Variants in WNK3 observed in about 807,000 individuals in gnomAD.
WNK3 encodes WNK lysine deficient protein kinase 3.
WNK3 carries 18 observed loss-of-function variants against 116.7 expected under a neutral mutation model. That is an observed-to-expected ratio of 0.15 (90% CI 0.11 to 0.23). The LOEUF (loss-of-function observed/expected upper bound fraction) is 0.23. Among genes scored for constraint, WNK3 ranks in the 10% least tolerant of loss-of-function variants. WNK3 has a pLI of 1.00. For synonymous variants in WNK3, 404 were observed against 469.4 expected, an observed-to-expected ratio of 0.86 and a Z score of 1.80; for missense variants, 993 against 1,323.8, an observed-to-expected ratio of 0.75 and a Z score of 3.88.
At chrX:54,347,699 T>A (rs868941614) in intron 1 of WNK3, among the ~76,000 whole-genome samples, 2 of 97,408 alleles carry the variant, frequency 2.1e-5, no homozygotes, top group Non-Finnish European at 3.9e-5. Context: ...TATATACACA[T>A]ATATATATAC....
At chrX:54,211,914 A>T (rs2067619486) in intron 22 of WNK3, among the ~76,000 whole-genome samples, 2 of 109,558 alleles carry the variant, frequency 1.8e-5, no homozygotes, top group East Asian at 2.9e-4. Context: ...ATTAGAAAAC[A>T]TTTAGAACTC....
intron 1 of WNK3, among the ~76,000 whole-genome samples, chrX:54,336,909 C>T (rs1603400504): frequency 1.8e-5 from 2 of 111,415 alleles, no homozygotes; most frequent in East Asian, 5.6e-4. Flanking sequence ...TATGTTAATA[C>T]CAAAGCTAAG....
chrX:54,316,864 T>C (rs1047650356), intron 2 of WNK3, among the ~76,000 whole-genome samples: 1 of 111,567 alleles, frequency 9.0e-6, no homozygotes, highest in African/African-American at 3.3e-5. Context: ...GGTATATTCG[T>C]TGTGGAAAGC....
At chrX:54,336,648 T>C (rs1207418802) in intron 1 of WNK3, among the ~76,000 whole-genome samples, 1 of 111,002 alleles carries the variant, frequency 9.0e-6, no homozygotes, top group African/African-American at 3.3e-5. Flanking sequence ...GAGAGGCAGA[T>C]AGACACCAGG....
chrX:54,198,587 C>T, exon 24 of WNK3: 1 of 1,210,019 alleles, frequency 8.3e-7, no homozygotes, highest in Non-Finnish European at 1.1e-6. Flanking sequence ...GAAGTTGGGA[C>T]AGCTCCACGG....
At position 54,290,987 on chromosome X, in the gene WNK3, A is replaced by G. The variant is rs1311607413; in HGVS notation, c.2037+1901T>C. ...GTTATACATGTGTACACAGAAAAAA[A>G]GATAAATCTAAAGGCTATACCTCAA... On this transcript the variant is annotated intron_variant, in intron 10 of 23. Coordinates refer to ENST00000354646, the Ensembl canonical transcript of WNK3. Among the ~76,000 whole-genome samples the G allele has an allele frequency of 2.9e-4, 32 of 111,897 alleles. No homozygotes were observed. In the Admixed American group the frequency reaches 3.1e-3, roughly 11 times the overall value.
intron 22 of WNK3, among the ~76,000 whole-genome samples, chrX:54,218,106 G>T (rs2067719335): frequency 1.8e-5 from 2 of 111,526 alleles, no homozygotes; most frequent in South Asian, 3.8e-4. Flanking sequence ...AAACAGGTTT[G>T]AACTGTGCAG....
intron 22 of WNK3, chrX:54,223,741 T>C: frequency 6.2e-6 from 1 of 160,341 alleles, no homozygotes; most frequent in Non-Finnish European, 1.2e-5. Flanking sequence ...ACCACCTTGG[T>C]GGAGAACAAG....
At chrX:54,348,301 A>C (rs1020494698) in intron 1 of WNK3, among the ~76,000 whole-genome samples, 1 of 110,064 alleles carries the variant, frequency 9.1e-6, no homozygotes, top group Non-Finnish European at 1.9e-5. Flanking sequence ...CTCAGCCTCC[A>C]GAGTAGCTGG....
At chrX:54,354,022 G>A (rs1484842102) in intron 1 of WNK3, among the ~76,000 whole-genome samples, 5 of 107,249 alleles carry the variant, frequency 4.7e-5, no homozygotes, top group African/African-American at 1.7e-4. Flanking sequence ...GGAGGCAGAG[G>A]TTGCAGTGAG....
At chrX:54,224,801 C>T (rs1201682222) in intron 22 of WNK3, among the ~76,000 whole-genome samples, 4 of 110,633 alleles carry the variant, frequency 3.6e-5, no homozygotes, top group Non-Finnish European at 7.6e-5. Flanking sequence ...GATCTCCTGA[C>T]CTTGTGATCC....
At chrX:54,205,214 A>G (rs1484580876) in intron 22 of WNK3, among the ~76,000 whole-genome samples, 1 of 104,002 alleles carries the variant, frequency 9.6e-6, no homozygotes, top group African/African-American at 3.7e-5. Context: ...GATTCCACAC[A>G]CACACACACA....
At chrX:54,274,672 A>C (rs2068420912) in intron 10 of WNK3, among the ~76,000 whole-genome samples, 1 of 111,866 alleles carries the variant, frequency 8.9e-6, no homozygotes, top group South Asian at 3.7e-4. Context: ...GGCAAGGAAG[A>C]ATAGGATAGG....
At chrX:54,297,798 G>C (rs1251853362) in intron 7 of WNK3, among the ~76,000 whole-genome samples, 1 of 111,528 alleles carries the variant, frequency 9.0e-6, no homozygotes, top group Non-Finnish European at 1.9e-5. Context: ...AGAAGGTCAG[G>C]CTCGATGGCT....
chrX:54,261,629 A>AACAC (rs782069714), intron 10 of WNK3, among the ~76,000 whole-genome samples: 6 of 109,463 alleles, frequency 5.5e-5, no homozygotes, highest in Non-Finnish European at 1.1e-4. Flanking sequence ...TCTGTACACA[A>AACAC]ACACACACAC....
chrX:54,349,443 C>T (rs1415569072), intron 1 of WNK3, among the ~76,000 whole-genome samples: 9 of 112,007 alleles, frequency 8.0e-5, no homozygotes, highest in African/African-American at 2.6e-4. Context: ...AAATATACAA[C>T]ACCTACATAA....
rs2068843004 is a variant in WNK3, at chrX:54,307,774, T to G, written c.1089+148A>C. The G allele has an allele frequency of 1.3e-5, 6 of 457,671 alleles. No homozygotes were observed. The Admixed American group carries it at 2.1e-4, about 16-fold the overall frequency. 37.7% of individuals were successfully genotyped at this position (457,671 alleles called of 1,213,427 possible). On this transcript the variant is annotated intron_variant, in intron 5 of 23. Coordinates refer to ENST00000354646, the Ensembl canonical transcript of WNK3. Reference sequence around the variant, plus strand: ...TCCAATGAAGCATAGTCATATGGTATAAATCTAAGGCTTGTTGCATTACAA... The same window carrying G: ...TCCAATGAAGCATAGTCATATGGTAGAAATCTAAGGCTTGTTGCATTACAA...
At chrX:54,282,564 T>C (rs888416190) in intron 10 of WNK3, among the ~76,000 whole-genome samples, 1 of 111,837 alleles carries the variant, frequency 8.9e-6, no homozygotes. Flanking sequence ...AGCTGGCTTT[T>C]TGGACACAAC....
chrX:54,242,787 A>C (rs782033896), intron 17 of WNK3, among the ~76,000 whole-genome samples: 228 of 111,657 alleles, frequency 2.0e-3, no homozygotes, highest in Non-Finnish European at 3.1e-3. Flanking sequence ...ACATATATCA[A>C]AGACGTAATT....
Sources: allele counts gnomAD v4.1 joint callset (sites outside exome capture counted in the v4.1 genomes callset), GRCh38; gene constraint gnomAD v4.1.1; transcripts MANE v1.5; gene names NCBI Gene and HGNC (gene_info 2026-07-23, HGNC 2026-07-21).